Variants in FAT2 observed in about 807,000 individuals in gnomAD.
FAT2 encodes FAT atypical cadherin 2, also known as protocadherin Fat 2.
Under a neutral mutation model 295.3 loss-of-function variants are expected in FAT2, and 150 were observed. That is an observed-to-expected ratio of 0.51 (90% CI 0.44 to 0.58). The LOEUF is 0.58. Ranked by LOEUF, FAT2 falls within the 20% of genes least tolerant of loss-of-function variation. The pLI is 0.00. For synonymous variants in FAT2, 2,026 were observed against 2,150.3 expected (o/e 0.94, Z 1.60); for missense variants, 4,868 against 5,442.7 (o/e 0.89, Z 3.32).
In FAT2 at chr5:151,545,182, T is replaced by A. The variant is rs1342172095; in HGVS notation, c.5945A>T (p.Gln1982Leu). 6.2e-7 allele frequency: 1 copy of A among 1,614,112 alleles called. No individual in the cohort carries two copies. Among genetic ancestry groups the A allele is most frequent in the Non-Finnish European group, 8.5e-7 (1 of 1,180,036 alleles). The part of the protein sequence containing the change: ...VYWAAVKENL[Q>L]DRKALVILGA... ...AAGAATCACCAGTGCCTTTCTGTCC[T>A]GCAAGTTCTCCTTCACAGCTGCCCA... The change falls in exon 10 of 24, where the codon CAG becomes CTG. Residue 1982 changes from glutamine (Q) to leucine (L), a missense_variant. This residue lies in a region of FAT2 where 3,297 missense variants were observed against 3,669.4 expected (regional missense o/e 0.90). Coordinates refer to ENST00000261800, the MANE Select transcript of FAT2 (RefSeq NM_001447.3).
In FAT2 at chr5:151,531,280, G is replaced by C. The variant is rs1368196003; in HGVS notation, c.9811+307C>G. Among the ~76,000 whole-genome samples, 2 of 152,160 alleles carry C rather than the reference G, an allele frequency of 1.3e-5. No individual in the cohort carries two copies. The highest frequency in any genetic ancestry group is 1.3e-4 in the Admixed American group (2 of 15,286). Reference sequence around the variant, plus strand: ...CAAGCCGTTTCTGCCTCCTGCGCTGGGCCTGAGCTGAGACCATGAAGCCGC... The same window carrying C: ...CAAGCCGTTTCTGCCTCCTGCGCTGCGCCTGAGCTGAGACCATGAAGCCGC... On this transcript the variant is annotated intron_variant, in intron 14 of 23. Transcript: ENST00000261800. The surrounding 1 kb of genome is among the most constrained non-coding windows in gnomAD (Gnocchi z 5.7).
Position 151,568,750 on chromosome 5 carries a change from T to G in FAT2, c.182A>C (p.Tyr61Ser). ...CACTGCCCACTGTGGCTCCGCGAGG[T>G]AGATGCCCATTTTCTCGAAGCTCTC... is the stretch of plus-strand genomic sequence containing the variant. ...YVESFEKMGI[Y>S]LAEPQWAVRY... is the part of the protein sequence containing the mutation. The change falls in exon 2 of 24, where the codon TAC becomes TCC. Residue 61 changes from tyrosine to serine, a missense_variant. Physicochemically the swap from Tyr to Ser is moderately radical, Grantham distance 144 (BLOSUM62 -2). Coordinates refer to ENST00000261800, the MANE Select transcript of FAT2 (RefSeq NM_001447.3). 6.2e-7 allele frequency: 1 copy of G among 1,614,048 alleles called. No individual in the cohort carries two copies. The highest frequency in any genetic ancestry group is 2.2e-5 in the East Asian group (1 of 44,882).
chr5:151,515,594 TC>T (rs1221675370), intron 20 of FAT2, among the ~76,000 whole-genome samples: 1 of 152,174 alleles, frequency 6.6e-6, no homozygotes, highest in Non-Finnish European at 1.5e-5. Flanking sequence ...ACTCCATTCT[TC>T]CAGTTGCCCA....
At chr5:151,513,368 A>G (rs1440603213) in intron 20 of FAT2, among the ~76,000 whole-genome samples, 1 of 152,238 alleles carries the variant, frequency 6.6e-6, no homozygotes, top group African/African-American at 2.4e-5. Flanking sequence ...AGTGGGCTGG[A>G]TAAAGAAAAT....
At chr5:151,585,240 G>C (rs1759124580) in intron 1 of FAT2, among the ~76,000 whole-genome samples, 1 of 152,206 alleles carries the variant, frequency 6.6e-6, no homozygotes, top group African/African-American at 2.4e-5. Context: ...CTGGCAACGG[G>C]CACCAGGGGG....
At chr5:151,546,776 T>C (rs1172086416) in intron 9 of FAT2, among the ~76,000 whole-genome samples, 1 of 152,078 alleles carries the variant, frequency 6.6e-6, no homozygotes, top group Non-Finnish European at 1.5e-5. Context: ...TGGAATGTAG[T>C]GATGTGAGCA....
intron 1 of FAT2, among the ~76,000 whole-genome samples, chr5:151,571,520 G>C (rs1172681312): frequency 6.6e-6 from 1 of 152,226 alleles, no homozygotes; most frequent in South Asian, 2.1e-4. Context: ...GTTAAGATGA[G>C]CTGTAGGGAA....
chr5:151,514,341 C>G (rs906330812), intron 20 of FAT2, among the ~76,000 whole-genome samples: 15 of 152,216 alleles, frequency 9.9e-5, no homozygotes, highest in Non-Finnish European at 2.9e-5. Flanking sequence ...TGTCTCCCAC[C>G]TCTGTAATGT....
intron 3 of FAT2, among the ~76,000 whole-genome samples, chr5:151,559,834 T>A (rs60673682): frequency 0.045 from 6,821 of 152,152 alleles, 365 homozygotes; most frequent in African/African-American, 0.13. Flanking sequence ...GAAGTCAGTA[T>A]CAGGGTTCCC....
chr5:151,556,248 A>T (rs1363264185), intron 4 of FAT2, 96 bp downstream of exon 4: 4 of 1,036,174 alleles, frequency 3.9e-6, no homozygotes, highest in Non-Finnish European at 6.1e-6. Flanking sequence ...CCCTGAACCC[A>T]GACCCTCCTC....
chr5:151,594,408 C>T (rs377730442), upstream of FAT2, among the ~76,000 whole-genome samples: 38 of 152,326 alleles, frequency 2.5e-4, no homozygotes, highest in Non-Finnish European at 5.0e-4. Flanking sequence ...GAAGCCCAGG[C>T]CCCAGACCCA....
Position 151,542,735 on chromosome 5 carries a change from C to G in FAT2, c.8392G>C (p.Glu2798Gln). ...GDVNDNRPVF[E>Q]ADPYKAVLTE... ...AGGACAGCCTTATATGGATCAGCCT[C>G]AAATACAGGCCTATTGTCATTGACG... Residue 2798 changes from glutamate (E) to glutamine (Q), a missense_variant, in exon 10 of 24, where the codon GAG (glutamate) becomes CAG (glutamine). Glu to Gln is a conservative substitution (Grantham distance 29). Around this residue, in one of 5 missense-constraint regions of FAT2, gnomAD observed 3,297 missense variants for 3,669.4 expected, o/e 0.90. Transcript: ENST00000261800. The G allele has an allele frequency of 6.2e-7, 1 of 1,614,240 alleles. No homozygotes were observed. The highest frequency in any genetic ancestry group is 8.5e-7 in the Non-Finnish European group (1 of 1,180,046).
chr5:151,569,083 C>A, intron 1 of FAT2, 132 bp from the exon 2 acceptor site: 1 of 882,426 alleles, frequency 1.1e-6, no homozygotes, highest in Non-Finnish European at 1.7e-6. Flanking sequence ...TTGGCTGACC[C>A]AGCTTGGGAG....
chr5:151,594,727 C>T (rs908725470), upstream of FAT2, among the ~76,000 whole-genome samples: 3 of 152,202 alleles, frequency 2.0e-5, no homozygotes, highest in African/African-American at 7.2e-5. Context: ...TAGAGCAATA[C>T]AGCCACACTC....
chr5:151,575,397 C>G (rs115201368), intron 1 of FAT2, among the ~76,000 whole-genome samples: 2,089 of 152,300 alleles, frequency 0.014, 44 homozygotes, highest in African/African-American at 0.046. Flanking sequence ...TGGAATCAGA[C>G]AGACCTAGTT....
intron 1 of FAT2, among the ~76,000 whole-genome samples, chr5:151,578,118 G>A (rs1758813860): frequency 6.6e-6 from 1 of 152,156 alleles, no homozygotes; most frequent in Non-Finnish European, 1.5e-5. Flanking sequence ...GGGAACGGGG[G>A]AACCTCCCCT....
intron 13 of FAT2, among the ~76,000 whole-genome samples, chr5:151,533,393 AACACAC>A (rs36215342): frequency 0.021 from 2,780 of 132,146 alleles, 27 homozygotes; most frequent in Middle Eastern, 0.031. Flanking sequence ...TGTTATCTCC[AACACAC>A]ACACACACAC....
intron 1 of FAT2, among the ~76,000 whole-genome samples, chr5:151,580,467 T>G (rs1048756227): frequency 3.9e-5 from 6 of 152,356 alleles, no homozygotes; most frequent in South Asian, 4.1e-4. Flanking sequence ...AATGGGTGGT[T>G]GTTATTACCA....
intron 1 of FAT2, among the ~76,000 whole-genome samples, chr5:151,590,369 T>C (rs1759351499): frequency 6.6e-6 from 1 of 152,224 alleles, no homozygotes; most frequent in Non-Finnish European, 1.5e-5. Flanking sequence ...CTCCCCATGC[T>C]GGGGCAAATG....
Sources: gnomAD v4.1 joint callset for allele counts (sites outside exome capture counted in the v4.1 genomes callset) on GRCh38, gnomAD v4.1.1 for gene constraint, gnomAD v4.1.1 regional missense constraint, Gnocchi (gnomAD v3.1) non-coding constraint, MANE v1.5 for transcripts, NCBI Gene and HGNC (gene_info 2026-07-23, HGNC 2026-07-21) for gene names.